Variants in MRPS28 observed in about 807,000 individuals in gnomAD.
MRPS28 encodes the protein mitochondrial ribosomal protein S28.
Under a neutral mutation model 10.8 loss-of-function variants are expected in MRPS28, and 7 were observed. The ratio of observed to expected loss-of-function variants is 0.65; its 90% CI spans 0.37 to 1.22. The LOEUF is 1.22. Among genes scored for constraint, MRPS28 ranks in the 50% most tolerant of loss-of-function variants. The probability of loss-of-function intolerance (pLI) is 0.02; values close to 1 mark genes in which losing one functional copy is unlikely to be tolerated. For synonymous variants in MRPS28, 121 were observed against 93.3 expected (o/e 1.30, Z -1.71); for missense variants, 265 against 232.9 (o/e 1.14, Z -0.90).
At chr8:79,923,520 A>G (rs963672677) in intron 2 of MRPS28, among the ~76,000 whole-genome samples, 1 of 152,184 alleles carries the variant, frequency 6.6e-6, no homozygotes, top group African/African-American at 2.4e-5. Context: ...CTACTGCCTC[A>G]TGCAATGTTA....
chr8:79,985,460 C>A (rs1289294407), intron 2 of MRPS28, among the ~76,000 whole-genome samples: 1 of 151,990 alleles, frequency 6.6e-6, no homozygotes, highest in Admixed American at 6.6e-5. Context: ...ACACAAAAAA[C>A]CCTTCAAAAA....
intron 1 of MRPS28, among the ~76,000 whole-genome samples, chr8:80,022,489 T>A (rs1410563872): frequency 6.6e-6 from 1 of 152,204 alleles, no homozygotes; most frequent in African/African-American, 2.4e-5. Context: ...AATCCAACCA[T>A]CTCAATTTGG....
At chr8:79,962,826 A>G (rs1807407432) in intron 2 of MRPS28, among the ~76,000 whole-genome samples, 1 of 152,114 alleles carries the variant, frequency 6.6e-6, no homozygotes, top group South Asian at 2.1e-4. Flanking sequence ...TCTCCACAGG[A>G]CATTTAGAAT....
At chr8:79,927,690 C>T (rs778878280) in intron 2 of MRPS28, among the ~76,000 whole-genome samples, 28 of 152,290 alleles carry the variant, frequency 1.8e-4, no homozygotes, top group African/African-American at 5.1e-4. Flanking sequence ...AGGGAAAAGT[C>T]GTATTCCACT....
At chr8:79,985,816 G>C (rs1189905494) in intron 2 of MRPS28, among the ~76,000 whole-genome samples, 1 of 152,050 alleles carries the variant, frequency 6.6e-6, no homozygotes, top group African/African-American at 2.4e-5. Flanking sequence ...TCCAGGACCA[G>C]ATGGATTCAC....
At chr8:79,928,382 T>C (rs900961126) in intron 2 of MRPS28, among the ~76,000 whole-genome samples, 1 of 151,738 alleles carries the variant, frequency 6.6e-6, no homozygotes, top group African/African-American at 2.4e-5. Flanking sequence ...TAGAATAGAG[T>C]TCGTGACTTG....
At chr8:79,975,223 G>C (rs1322523444) in intron 2 of MRPS28, among the ~76,000 whole-genome samples, 2 of 152,074 alleles carry the variant, frequency 1.3e-5, no homozygotes, top group African/African-American at 2.4e-5. Context: ...CTTGAGCTTG[G>C]GAGGTTGAGG....
At chr8:79,971,761 G>A (rs568035104) in intron 2 of MRPS28, among the ~76,000 whole-genome samples, 3 of 152,128 alleles carry the variant, frequency 2.0e-5, no homozygotes, top group South Asian at 2.1e-4. Flanking sequence ...GCAGTGGTGC[G>A]ATCTCAGCTC....
intron 2 of MRPS28, among the ~76,000 whole-genome samples, chr8:79,976,713 A>T (rs1807813342): frequency 6.6e-6 from 1 of 152,186 alleles, no homozygotes; most frequent in Non-Finnish European, 1.5e-5. Context: ...CTCAAAACAA[A>T]AGGAAAAGAA....
Position 80,029,926 on chromosome 8 carries a change from C to G in MRPS28, c.213+110G>C. The G allele has an allele frequency of 4.6e-6, 7 of 1,536,664 alleles. No individual in the cohort carries two copies. The East Asian group carries it at 1.2e-4, about 27-fold the overall frequency. ...GCACCGCAACTCCGGAAAACTGGGC[C>G]CCGGACCTCAGCTCCCCTTCCTAAG... On this transcript the variant is annotated intron_variant, in intron 1 of 2. Coordinates refer to ENST00000276585, the MANE Select transcript of MRPS28 (RefSeq NM_014018.3).
intron 2 of MRPS28, among the ~76,000 whole-genome samples, chr8:79,961,585 C>T (rs984625038): frequency 2.6e-5 from 4 of 152,208 alleles, no homozygotes; most frequent in Admixed American, 6.6e-5. Context: ...CATGGATACA[C>T]AGGAATATTT....
chr8:80,021,931 A>C (rs1809376890), intron 1 of MRPS28, among the ~76,000 whole-genome samples: 1 of 152,210 alleles, frequency 6.6e-6, no homozygotes, highest in African/African-American at 2.4e-5. Context: ...TGACATTGAC[A>C]CAATCCACCA....
chr8:79,995,587 T>C (rs1808479795), intron 2 of MRPS28, among the ~76,000 whole-genome samples: 3 of 152,182 alleles, frequency 2.0e-5, no homozygotes, highest in Admixed American at 2.0e-4. Context: ...TGACAATCCC[T>C]ATCAAGGGCA....
chr8:79,942,275 G>A (rs543969753), intron 2 of MRPS28, among the ~76,000 whole-genome samples: 1 of 152,290 alleles, frequency 6.6e-6, no homozygotes, highest in African/African-American at 2.4e-5. Context: ...GCATTCAAGG[G>A]AGTGATACAC....
intron 2 of MRPS28, among the ~76,000 whole-genome samples, chr8:79,970,426 C>T (rs993093434): frequency 6.6e-6 from 1 of 152,180 alleles, no homozygotes; most frequent in African/African-American, 2.4e-5. Context: ...CATATACCAA[C>T]ACAGAGGATA....
rs1235675647 is a variant in MRPS28 at position 79,969,339 on chromosome 8, C to A, written c.395+33660G>T. Among the ~76,000 whole-genome samples, 3 of 152,078 alleles carry A rather than the reference C, an allele frequency of 2.0e-5. No homozygotes were observed. In the South Asian group the frequency reaches 6.2e-4, roughly 32 times the overall value. Reference sequence around the variant, plus strand: ...TGATAGGAAGAAACAATTTGGAAATCTTAGACAACTATTTGAATTTCAATG... The same window carrying A: ...TGATAGGAAGAAACAATTTGGAAATATTAGACAACTATTTGAATTTCAATG... On this transcript the variant is annotated intron_variant, in intron 2 of 2. Coordinates refer to ENST00000276585, the MANE Select transcript of MRPS28 (RefSeq NM_014018.3).
chr8:79,944,421 G>A (rs1806847226), intron 2 of MRPS28, among the ~76,000 whole-genome samples: 1 of 152,158 alleles, frequency 6.6e-6, no homozygotes, highest in Non-Finnish European at 1.5e-5. Flanking sequence ...ACCTGTGCCT[G>A]CTTATTAATA....
intron 2 of MRPS28, among the ~76,000 whole-genome samples, chr8:79,978,044 A>G (rs1341597652): frequency 1.3e-5 from 2 of 152,184 alleles, no homozygotes; most frequent in Non-Finnish European, 2.9e-5. Flanking sequence ...AGATCACATC[A>G]TAATGTAATT....
intron 1 of MRPS28, among the ~76,000 whole-genome samples, chr8:80,010,104 A>C (rs997077265): frequency 5.9e-5 from 9 of 152,124 alleles, no homozygotes; most frequent in African/African-American, 2.2e-4. Flanking sequence ...AATTCACTTG[A>C]GGTATGACTA....
Sources: gnomAD v4.1 joint callset for allele counts (sites outside exome capture counted in the v4.1 genomes callset) on GRCh38, gnomAD v4.1.1 for gene constraint, MANE v1.5 for transcripts, NCBI Gene and HGNC (gene_info 2026-07-23, HGNC 2026-07-21) for gene names.